Variants in FNIP1 observed in about 807,000 individuals in gnomAD.
The protein encoded by FNIP1 is folliculin-interacting protein 1.
In FNIP1, 40 loss-of-function variants were observed where a neutral mutation model predicts 124.5. The ratio of observed to expected loss-of-function variants is 0.32; its 90% CI spans 0.25 to 0.42. The LOEUF (loss-of-function observed/expected upper bound fraction) is 0.42. Ranked by LOEUF, FNIP1 falls within the 10% of genes least tolerant of loss-of-function variation. FNIP1 has a pLI of 1.00. For synonymous variants in FNIP1, 472 were observed against 470.6 expected, an observed-to-expected ratio of 1.00 and a Z score of -0.04; for missense variants, 1,176 against 1,403.7, an observed-to-expected ratio of 0.84 and a Z score of 2.59.
At chr5:131,751,868 T>C (rs1770883022) in intron 1 of FNIP1, among the ~76,000 whole-genome samples, 1 of 152,150 alleles carries the variant, frequency 6.6e-6, no homozygotes. Context: ...GTTCTGGAAT[T>C]AGACAGTGGT....
chr5:131,784,828 A>T (rs1772109268), intron 1 of FNIP1, among the ~76,000 whole-genome samples: 1 of 151,240 alleles, frequency 6.6e-6, no homozygotes, highest in African/African-American at 2.4e-5. Context: ...TCTCAAAAAA[A>T]TAATAATAAA....
rs187074988 is a variant in FNIP1 at position 131,767,821 on chromosome 5, T to C, written c.93-23131A>G. Among the ~76,000 whole-genome samples the C allele has an allele frequency of 6.6e-5, 10 of 152,316 alleles. No individual in the cohort carries two copies. In the East Asian group the frequency reaches 1.9e-3, roughly 29 times the overall value. ...CAGTTCCAAAGACTTTAGTTATCAA[T>C]TTAGGACTTATTTGTATCACAAAAT... On this transcript the variant is annotated intron_variant, in intron 1 of 17. Coordinates refer to ENST00000510461, the MANE Select transcript of FNIP1 (RefSeq NM_133372.3).
At chr5:131,731,825 C>T (rs1770104335) in intron 2 of FNIP1, among the ~76,000 whole-genome samples, 1 of 151,606 alleles carries the variant, frequency 6.6e-6, no homozygotes, top group South Asian at 2.1e-4. Flanking sequence ...AACAATAAAC[C>T]CAAGTTAATG....
At chr5:131,752,036 T>G (rs994623259) in intron 1 of FNIP1, among the ~76,000 whole-genome samples, 3 of 152,194 alleles carry the variant, frequency 2.0e-5, no homozygotes, top group African/African-American at 2.4e-5. Flanking sequence ...CAAACTTATT[T>G]GTGAGTTTGT....
chr5:131,703,913 A>G lies in FNIP1; in HGVS notation c.1116+152T>C, dbSNP rs543103286. The G allele has an allele frequency of 3.0e-5, 18 of 591,680 alleles. No homozygotes were observed. In the South Asian group the frequency reaches 4.2e-4, roughly 14 times the overall value. The allele number at this position is 591,680 out of a possible 1,614,324, so 36.7% of individuals were successfully genotyped here. A position where few individuals can be genotyped will look rare whatever the true frequency, so the allele number is the denominator to read the frequency against. ...TCTTTTACTAGACAGTAAGCACCTT[A>G]AAAAGGGTTCAATCTATTTGCATCC... On this transcript the variant is annotated intron_variant, in intron 10 of 17. Transcript: ENST00000510461.
At chr5:131,720,546 G>T (rs1047258755) in intron 3 of FNIP1, among the ~76,000 whole-genome samples, 4 of 151,982 alleles carry the variant, frequency 2.6e-5, no homozygotes, top group African/African-American at 9.7e-5. Context: ...AATCAAGAGG[G>T]CAAAAAGATA....
chr5:131,659,713 G>A (rs1420200962), intron 15 of FNIP1, among the ~76,000 whole-genome samples: 4 of 152,100 alleles, frequency 2.6e-5, no homozygotes, highest in African/African-American at 9.7e-5. Context: ...TGGCCTGGAT[G>A]GCCATATACA....
intron 3 of FNIP1, among the ~76,000 whole-genome samples, chr5:131,729,419 G>C (rs546748957): frequency 6.6e-6 from 1 of 152,328 alleles, no homozygotes; most frequent in Non-Finnish European, 1.5e-5. Flanking sequence ...TCTGGCTACA[G>C]TGGCTTAGCT....
chr5:131,646,276 T>C (rs140922691), intron 17 of FNIP1, among the ~76,000 whole-genome samples: 1 of 152,326 alleles, frequency 6.6e-6, no homozygotes, highest in Non-Finnish European at 1.5e-5. Context: ...GTCCTACCAG[T>C]GTGTGACATC....
intron 15 of FNIP1, among the ~76,000 whole-genome samples, chr5:131,658,295 C>T (rs1016505863): frequency 9.1e-4 from 139 of 152,244 alleles, no homozygotes; most frequent in African/African-American, 3.0e-3. Flanking sequence ...ATACTGAAAC[C>T]GCCTTTGCAA....
intron 11 of FNIP1, among the ~76,000 whole-genome samples, chr5:131,683,218 C>T (rs1295837883): frequency 6.6e-6 from 1 of 152,076 alleles, no homozygotes; most frequent in African/African-American, 2.4e-5. Context: ...TTACCAAAAT[C>T]TGTGGATGCT....
chr5:131,747,181 C>T (rs1163957955), intron 1 of FNIP1, among the ~76,000 whole-genome samples: 1 of 152,100 alleles, frequency 6.6e-6, no homozygotes, highest in African/African-American at 2.4e-5. Context: ...AGACTTTTGT[C>T]AAATGTACAG....
chr5:131,757,131 T>C (rs1771075644), intron 1 of FNIP1, among the ~76,000 whole-genome samples: 1 of 152,048 alleles, frequency 6.6e-6, no homozygotes, highest in South Asian at 2.1e-4. Context: ...AACAAACACA[T>C]ATAGTGGTCT....
chr5:131,717,321 C>T (rs924917273), intron 5 of FNIP1, among the ~76,000 whole-genome samples: 1 of 152,188 alleles, frequency 6.6e-6, no homozygotes, highest in Non-Finnish European at 1.5e-5. Context: ...ATGAACTCAT[C>T]CTTTTTTATG....
At chr5:131,705,692 C>T (rs890937403) in intron 9 of FNIP1, among the ~76,000 whole-genome samples, 1 of 152,058 alleles carries the variant, frequency 6.6e-6, no homozygotes, top group Non-Finnish European at 1.5e-5. Context: ...GTGACAGTTC[C>T]TCACAAATTT....
intron 8 of FNIP1, among the ~76,000 whole-genome samples, chr5:131,708,606 C>T (rs563066394): frequency 3.3e-4 from 51 of 152,322 alleles, no homozygotes; most frequent in Non-Finnish European, 1.5e-4. Flanking sequence ...GCTTTTTGCG[C>T]AGGCCTATCA....
rs183621299 is a variant in FNIP1, at chr5:131,697,390, A to G, written c.1202+1527T>C. ...TCTAACCACCTTGGCCTCCCAAAGT[A>G]CTGGGATTACAGGCACATGCCAACA... is the stretch of plus-strand genomic sequence containing the variant. On this transcript the variant is annotated intron_variant, in intron 11 of 17. Coordinates refer to ENST00000510461, the MANE Select transcript of FNIP1 (RefSeq NM_133372.3). 4.2e-3 allele frequency among the ~76,000 whole-genome samples: 646 copies of G among 152,234 alleles called. 2 individuals carry two copies. Among genetic ancestry groups the G allele is most frequent in the South Asian group, 6.0e-3 (29 of 4,824 alleles).
intron 2 of FNIP1, among the ~76,000 whole-genome samples, chr5:131,743,064 G>C (rs1486906180): frequency 1.3e-5 from 2 of 152,084 alleles, no homozygotes; most frequent in East Asian, 3.9e-4. Context: ...CTATGATATA[G>C]AAGGCTATGA....
chr5:131,788,945 G>A (rs112099471), intron 1 of FNIP1, among the ~76,000 whole-genome samples: 4,430 of 152,126 alleles, frequency 0.029, 90 homozygotes, highest in Non-Finnish European at 0.046. Flanking sequence ...AAATTAGTAT[G>A]TCAAAGAAAT....
Sources: gnomAD v4.1 joint callset for allele counts (sites outside exome capture counted in the v4.1 genomes callset) on GRCh38, gnomAD v4.1.1 for gene constraint, MANE v1.5 for transcripts, NCBI Gene and HGNC (gene_info 2026-07-23, HGNC 2026-07-21) for gene names.